The following TCEANC2 variants were observed in gnomAD, a reference collection of about 807,000 sequenced individuals.
TCEANC2 encodes the protein transcription elongation factor A N-terminal and central domain-containing protein 2.
Under a neutral mutation model 22.8 loss-of-function variants are expected in TCEANC2, and 20 were observed. The ratio of observed to expected loss-of-function variants is 0.88; its 90% CI spans 0.62 to 1.28. The LOEUF (loss-of-function observed/expected upper bound fraction) is 1.28, where lower values mean the gene tolerates loss of function less well. TCEANC2 is among the 50% of genes most tolerant of loss of function. The pLI is 0.00. For missense variants in TCEANC2, 251 were observed against 249.7 expected (o/e 1.01, Z -0.03); for synonymous variants, 84 against 95.5 (o/e 0.88, Z 0.70).
Position 54,097,712 on chromosome 1 carries a change from T to G in TCEANC2, c.*1239T>G, listed in dbSNP as rs1658584383. 1 of 152,212 alleles carries G rather than the reference T, an allele frequency of 6.6e-6. No individual in the cohort carries two copies. Among genetic ancestry groups the G allele is most frequent in the African/African-American group, 2.4e-5 (1 of 41,450 alleles). 9.4% of individuals were successfully genotyped at this position (152,212 alleles called of 1,614,324 possible). The stretch of plus-strand genomic sequence containing the variant: ...GTATTGTTGTTTTCATTTTTTAGAT[T>G]TATTCGTTTATTTAGCAACCATTTC... On this transcript the variant is annotated 3_prime_UTR_variant, in exon 5 of 5. Coordinates refer to ENST00000234827, the MANE Select transcript of TCEANC2 (RefSeq NM_153035.3).
chr1:54,058,574 A>G (rs576496949), intron 2 of TCEANC2, among the ~76,000 whole-genome samples: 1 of 152,302 alleles, frequency 6.6e-6, no homozygotes, highest in Non-Finnish European at 1.5e-5. Context: ...GTTCTACCCC[A>G]GTGCGCTTAT....
At position 54,096,596 on chromosome 1, in the gene TCEANC2, C is replaced by T. The variant is rs1222559423; in HGVS notation, c.*123C>T. On this transcript the variant is annotated 3_prime_UTR_variant, in exon 5 of 5. Transcript: ENST00000234827. This position sits in a 1 kb window ranked among gnomAD's most constrained non-coding sequence, Gnocchi z 4.9. ...GCTGTGCTAGATTTTCCCATGGTGC[C>T]GTTCCTTTGCAGACAGAGGATTCGG... 2 of 1,421,094 alleles carry T rather than the reference C, an allele frequency of 1.4e-6. No individual in the cohort carries two copies. Among genetic ancestry groups the T allele is most frequent in the Admixed American group, 2.7e-5 (1 of 37,008 alleles). The allele number at this position is 1,421,094 out of a possible 1,614,324, so 88.0% of individuals were successfully genotyped here. A position where few individuals can be genotyped will look rare whatever the true frequency, so the allele number is the denominator to read the frequency against.
Position 54,088,613 on chromosome 1 carries a change from G to A in TCEANC2, c.261G>A (p.Lys87=), listed in dbSNP as rs1295653407. ...KSTRIGHTVN[K]MRKHSDSEVA... ...CTGTTCCAGGTCACACTGTGAACAA[G>A]ATGCGTAAACACTCAGATTCAGAAG... Residue 87 remains lysine (K), a synonymous_variant, in exon 4 of 5, where the codon AAG becomes AAA. Transcript: ENST00000234827. 3 of 1,602,088 alleles carry A rather than the reference G, an allele frequency of 1.9e-6. No homozygotes were observed. The highest frequency in any genetic ancestry group is 2.1e-4 in the Middle Eastern group (1 of 4,702).
intron 3 of TCEANC2, 58 bp downstream of exon 3, chr1:54,068,955 T>C: frequency 7.1e-7 from 1 of 1,416,432 alleles, no homozygotes; most frequent in Non-Finnish European, 9.2e-7. Flanking sequence ...TCCCTTCTTC[T>C]TTCCTTCCTC....
downstream of TCEANC2, among the ~76,000 whole-genome samples, chr1:54,108,861 A>G (rs2100399795): frequency 6.6e-6 from 1 of 151,944 alleles, no homozygotes; most frequent in African/African-American, 2.4e-5. Context: ...AGTCCCAGCT[A>G]CTCGGGAGGC....
chr1:54,068,776 C>T lies in TCEANC2; in HGVS notation c.123C>T (p.Asp41=). 6.2e-7 allele frequency: 1 copy of T among 1,605,900 alleles called. No homozygotes were observed. Among genetic ancestry groups the T allele is most frequent in the Non-Finnish European group, 8.5e-7 (1 of 1,177,816 alleles). The part of the protein sequence containing the change: ...ESLKRVVVVE[D]IKRWKTMLEL... ...CCCAGAGAGTTGTGGTTGTAGAAGA[C>T]ATAAAAAGATGGAAAACTATGCTGG... Residue 41 remains aspartate (D), a synonymous_variant, in exon 3 of 5, where the codon GAC becomes GAT. Transcript: ENST00000234827.
intron 3 of TCEANC2, among the ~76,000 whole-genome samples, chr1:54,086,840 A>G (rs1311614686): frequency 6.6e-6 from 1 of 152,248 alleles, no homozygotes; most frequent in Admixed American, 6.5e-5. Context: ...GGAGAGGTCA[A>G]TCAGGGTGCC....
At chr1:54,058,588 C>T (rs1444006835) in intron 2 of TCEANC2, among the ~76,000 whole-genome samples, 1 of 152,222 alleles carries the variant, frequency 6.6e-6, no homozygotes, top group Non-Finnish European at 1.5e-5. Flanking sequence ...CGCTTATCGT[C>T]TCATACCTTG....
chr1:54,082,103 T>C (rs80040788), intron 3 of TCEANC2, among the ~76,000 whole-genome samples: 4 of 152,324 alleles, frequency 2.6e-5, no homozygotes, highest in Admixed American at 1.3e-4. Context: ...TCCACACTTA[T>C]TAGCTGTGAG....
At position 54,095,908 on chromosome 1, in the gene TCEANC2, G is replaced by A. The variant is rs188142433; in HGVS notation, c.439-377G>A. On this transcript the variant is annotated intron_variant, in intron 4 of 4. Transcript: ENST00000234827. ...CTAGACCCCATGTCTCTAAAATGCCGTAAGGAGTTAAAAGGCAGTCTAAAA... is the reference window on the plus strand; with the variant it reads ...CTAGACCCCATGTCTCTAAAATGCCATAAGGAGTTAAAAGGCAGTCTAAAA... 9.9e-4 allele frequency among the ~76,000 whole-genome samples: 151 copies of A among 152,248 alleles called. 2 individuals are homozygous for A. The highest frequency in any genetic ancestry group is 2.4e-4 in the African/African-American group (10 of 41,556).
At chr1:54,089,978 AT>A in intron 4 of TCEANC2, 1 of 704,316 alleles carries the variant, frequency 1.4e-6, no homozygotes, top group South Asian at 1.5e-5. Context: ...GTAGTGCTGT[AT>A]TAGCTAGTGG....
At position 54,096,210 on chromosome 1, in the gene TCEANC2, G is replaced by C. The variant is rs1027592068; in HGVS notation, c.439-75G>C. 24 of 1,504,570 alleles carry C rather than the reference G, an allele frequency of 1.6e-5. No homozygotes were observed. Among genetic ancestry groups the C allele is most frequent in the Non-Finnish European group, 2.0e-5 (22 of 1,117,970 alleles). The allele number at this position is 1,504,570 out of a possible 1,614,324, so 93.2% of individuals were successfully genotyped here. A position where few individuals can be genotyped will look rare whatever the true frequency, so the allele number is the denominator to read the frequency against. On this transcript the variant is annotated intron_variant, in intron 4 of 4. Coordinates refer to ENST00000234827, the MANE Select transcript of TCEANC2 (RefSeq NM_153035.3). This position sits in a 1 kb window ranked among gnomAD's most constrained non-coding sequence, Gnocchi z 4.9. The stretch of plus-strand genomic sequence containing the variant: ...GTTGATTAATGGAGGCCTCTGAGCA[G>C]AGTGCTCCAGCCTCTCTTGCTTTTA...
At chr1:54,055,679 G>C (rs1252394043) in intron 2 of TCEANC2, among the ~76,000 whole-genome samples, 1 of 152,232 alleles carries the variant, frequency 6.6e-6, no homozygotes, top group Non-Finnish European at 1.5e-5. Flanking sequence ...AGGATTGTAA[G>C]AGCAAGGCAG....
At chr1:54,090,374 A>G (rs1160187387) in intron 4 of TCEANC2, among the ~76,000 whole-genome samples, 3 of 152,188 alleles carry the variant, frequency 2.0e-5, no homozygotes, top group Non-Finnish European at 4.4e-5. Flanking sequence ...TTTTTAAATG[A>G]ATGTTGGGCA....
chr1:54,097,898 G>C lies in TCEANC2; in HGVS notation c.*1425G>C, dbSNP rs1286519981. On this transcript the variant is annotated 3_prime_UTR_variant, in exon 5 of 5. Coordinates refer to ENST00000234827, the MANE Select transcript of TCEANC2 (RefSeq NM_153035.3). ...CGTTTACCCTGGGCCCAGCACTGTG[G>C]TAACCATTTTACAAAAAGAAAATAC... is the stretch of plus-strand genomic sequence containing the variant. The C allele has an allele frequency of 6.6e-6, 1 of 152,084 alleles. No homozygotes were observed. The highest frequency in any genetic ancestry group is 1.5e-5 in the Non-Finnish European group (1 of 68,014). 9.4% of individuals were successfully genotyped at this position (152,084 alleles called of 1,614,324 possible). A position where few individuals can be genotyped will look rare whatever the true frequency, so the allele number is the denominator to read the frequency against.
At chr1:54,080,611 G>A (rs974820102) in intron 3 of TCEANC2, among the ~76,000 whole-genome samples, 3 of 152,152 alleles carry the variant, frequency 2.0e-5, no homozygotes, top group Non-Finnish European at 4.4e-5. Flanking sequence ...GTTTGTTTAG[G>A]TGTTGTCCCC....
At chr1:54,092,743 C>G (rs1658471014) in intron 4 of TCEANC2, among the ~76,000 whole-genome samples, 2 of 152,068 alleles carry the variant, frequency 1.3e-5, no homozygotes, top group South Asian at 2.1e-4. Context: ...ACCCTGTTCC[C>G]ATGCCCTGAG....
intron 2 of TCEANC2, among the ~76,000 whole-genome samples, chr1:54,066,234 A>C (rs1427466153): frequency 6.6e-6 from 1 of 152,214 alleles, no homozygotes; most frequent in Non-Finnish European, 1.5e-5. Flanking sequence ...TGTGCAACAG[A>C]GTGAGACCCC....
chr1:54,107,937 G>A (rs1658784013), downstream of TCEANC2, among the ~76,000 whole-genome samples: 1 of 152,204 alleles, frequency 6.6e-6, no homozygotes, highest in Non-Finnish European at 1.5e-5. Flanking sequence ...AGGTGAAGAA[G>A]GGGATGGTAT....
Sources: gnomAD v4.1 joint callset for allele counts (sites outside exome capture counted in the v4.1 genomes callset) on GRCh38, gnomAD v4.1.1 for gene constraint, Gnocchi (gnomAD v3.1) non-coding constraint, MANE v1.5 for transcripts, NCBI Gene and HGNC (gene_info 2026-07-23, HGNC 2026-07-21) for gene names.